Variants in DLG1 observed in about 807,000 individuals in gnomAD.
DLG1 encodes the protein discs large MAGUK scaffold protein 1.
DLG1 carries 42 observed loss-of-function variants against 123.4 expected under a neutral mutation model. The observed-to-expected ratio is 0.34, with a 90% CI of 0.27 to 0.44. DLG1 has a LOEUF of 0.44. DLG1 is among the 20% of genes least tolerant of loss of function. The pLI is 1.00. For missense variants in DLG1, 942 were observed against 1,082.6 expected (o/e 0.87, Z 1.82); for synonymous variants, 317 against 356.2 (o/e 0.89, Z 1.24).
chr3:197,181,400 C>T (rs900702386), intron 5 of DLG1, among the ~76,000 whole-genome samples: 4 of 152,070 alleles, frequency 2.6e-5, no homozygotes, highest in African/African-American at 9.7e-5. Context: ...AACACTATGA[C>T]CTTATTATAT....
intron 7 of DLG1, among the ~76,000 whole-genome samples, chr3:197,142,425 T>C (rs906867903): frequency 4.6e-5 from 7 of 152,084 alleles, no homozygotes; most frequent in Non-Finnish European, 8.8e-5. Flanking sequence ...ACTCTAGTAA[T>C]AGAAGATGTT....
At chr3:197,108,341 T>C (rs1767789862) in intron 13 of DLG1, among the ~76,000 whole-genome samples, 1 of 152,250 alleles carries the variant, frequency 6.6e-6, no homozygotes, top group Admixed American at 6.5e-5. Flanking sequence ...CTCATGCTTA[T>C]TCCTTTTTGG....
intron 4 of DLG1, among the ~76,000 whole-genome samples, chr3:197,258,159 T>C (rs1053372212): frequency 2.0e-5 from 3 of 152,168 alleles, no homozygotes; most frequent in African/African-American, 7.2e-5. Flanking sequence ...AGTATTTTTT[T>C]TAACTCGAAG....
intron 5 of DLG1, among the ~76,000 whole-genome samples, chr3:197,171,505 A>C (rs1804179382): frequency 6.6e-6 from 1 of 152,182 alleles, no homozygotes; most frequent in Admixed American, 6.5e-5. Context: ...AAAATCATTA[A>C]ATTTAAAACA....
chr3:197,228,029 C>CA (rs1740888904), intron 4 of DLG1, among the ~76,000 whole-genome samples: 1 of 152,228 alleles, frequency 6.6e-6, no homozygotes, highest in Non-Finnish European at 1.5e-5. Flanking sequence ...TGCAGTGCCT[C>CA]AGAGGTGTCA....
chr3:197,135,993 G>A (rs1237921119), intron 10 of DLG1, among the ~76,000 whole-genome samples: 2 of 151,780 alleles, frequency 1.3e-5, no homozygotes, highest in African/African-American at 2.4e-5. Flanking sequence ...TGTATTTTTT[G>A]TAGAGACAGG....
rs772746560 is a variant in DLG1, at chr3:197,296,458, G to T, written c.39C>A (p.His13Gln). The change falls in exon 3 of 25, where the codon CAC becomes CAA. Residue 13 changes from histidine (H) to glutamine (Q), a missense_variant. Coordinates refer to ENST00000667157, the MANE Select transcript of DLG1 (RefSeq NM_001366207.1). ...VRKQDTQRALHLLEEYRSKLS... is the reference protein window; with the variant it reads ...VRKQDTQRALQLLEEYRSKLS... Reference sequence around the variant, plus strand: ...GTTTTGAACGATATTCCTCCAAAAGGTGCAATGCTCTCTGGGTATCTGAGA... The same window carrying T: ...GTTTTGAACGATATTCCTCCAAAAGTTGCAATGCTCTCTGGGTATCTGAGA... 1 of 1,613,606 alleles carries T rather than the reference G, an allele frequency of 6.2e-7. No homozygotes were observed. The highest frequency in any genetic ancestry group is 1.1e-5 in the South Asian group (1 of 91,056).
At chr3:197,060,057 AAGGT>A in intron 22 of DLG1, 59 bp from the exon 23 acceptor site, 1 of 1,263,714 alleles carries the variant, frequency 7.9e-7, no homozygotes, top group South Asian at 1.3e-5. Context: ...AATAATATCA[AAGGT>A]ACTTTTCCTA....
chr3:197,051,490 A>G, intron 24 of DLG1, 87 bp downstream of exon 24: 1 of 982,214 alleles, frequency 1.0e-6, no homozygotes, highest in Non-Finnish European at 1.6e-6. Flanking sequence ...ATGTAGGCAT[A>G]GTTCAAAATC....
intron 11 of DLG1, among the ~76,000 whole-genome samples, chr3:197,126,509 T>G (rs1779203759): frequency 6.6e-6 from 1 of 151,778 alleles, no homozygotes; most frequent in African/African-American, 2.4e-5. Context: ...GCACTAATAC[T>G]CAATTCGTGG....
intron 4 of DLG1, among the ~76,000 whole-genome samples, chr3:197,200,428 C>T (rs536979866): frequency 1.3e-5 from 2 of 152,056 alleles, no homozygotes; most frequent in Non-Finnish European, 2.9e-5. Flanking sequence ...AGCAGTGAGG[C>T]TTAATATGAA....
intron 4 of DLG1, among the ~76,000 whole-genome samples, chr3:197,198,517 T>G (rs1223243873): frequency 7.1e-6 from 1 of 140,558 alleles, no homozygotes. Flanking sequence ...AACCAAACAA[T>G]GAGGAGGAAA....
rs143161443 is a variant in DLG1, at chr3:197,210,357, C to T, written c.319-15768G>A. On this transcript the variant is annotated intron_variant, in intron 4 of 24. Transcript: ENST00000667157. ...CAAAGAATTGAGTATATTAACAAAG[C>T]CAAATAATCATAAAAACAGATAAAC... is the stretch of plus-strand genomic sequence containing the variant. Among the ~76,000 whole-genome samples, 38 of 142,860 alleles carry T rather than the reference C, an allele frequency of 2.7e-4. 2 individuals carry two copies. In the East Asian group the frequency reaches 6.9e-3, roughly 26 times the overall value. The allele number at this position is 142,860 out of a possible 152,430, so 93.7% of individuals were successfully genotyped here.
intron 18 of DLG1, among the ~76,000 whole-genome samples, chr3:197,071,561 G>C (rs948217851): frequency 5.9e-5 from 9 of 152,034 alleles, no homozygotes; most frequent in Admixed American, 2.0e-4. Context: ...CCTTAGAATA[G>C]CGTCATCATA....
chr3:197,071,619 T>G (rs1425507421), intron 18 of DLG1, among the ~76,000 whole-genome samples: 1 of 152,350 alleles, frequency 6.6e-6, no homozygotes, highest in East Asian at 1.9e-4. Flanking sequence ...CTTCTGATAA[T>G]TGAAAATGTT....
chr3:197,228,813 TAATA>T (rs909685418), intron 4 of DLG1, among the ~76,000 whole-genome samples: 3 of 152,190 alleles, frequency 2.0e-5, no homozygotes, highest in African/African-American at 7.2e-5. Flanking sequence ...TAAGTAATAA[TAATA>T]AATAATTATT....
rs902052396 is a variant in DLG1, at chr3:197,121,526, C to T, written c.1166-1996G>A. The stretch of plus-strand genomic sequence containing the variant: ...AAATATATACTGTAAAAAACAGGAA[C>T]ATTTTAATGTCGGCAGAGAAACTGT... On this transcript the variant is annotated intron_variant, in intron 11 of 24. Coordinates refer to ENST00000667157, the MANE Select transcript of DLG1 (RefSeq NM_001366207.1). 5.3e-5 allele frequency among the ~76,000 whole-genome samples: 8 copies of T among 152,156 alleles called. 1 individual carries two copies. The highest frequency in any genetic ancestry group is 1.9e-4 in the African/African-American group (8 of 41,538).
chr3:197,044,528 T>G lies in DLG1; in HGVS notation c.*95A>C. ...ATGATGTGTGGGATACAATTCAACA[T>G]GAAATCAGTACTCAAGAAAGACTCC... is the stretch of plus-strand genomic sequence containing the variant. On this transcript the variant is annotated 3_prime_UTR_variant, in exon 25 of 25. Transcript: ENST00000667157. 1 of 732,424 alleles carries G rather than the reference T, an allele frequency of 1.4e-6. No individual in the cohort carries two copies. Among genetic ancestry groups the G allele is most frequent in the South Asian group, 1.9e-5 (1 of 51,626 alleles). The allele number at this position is 732,424 out of a possible 1,614,324, so 45.4% of individuals were successfully genotyped here. A position where few individuals can be genotyped will look rare whatever the true frequency, so the allele number is the denominator to read the frequency against.
chr3:197,276,411 A>T (rs1345123791), intron 4 of DLG1, among the ~76,000 whole-genome samples: 1 of 152,234 alleles, frequency 6.6e-6, no homozygotes, highest in Non-Finnish European at 1.5e-5. Flanking sequence ...CTAACTGTAC[A>T]GGAGCTTCTG....
Sources: allele counts gnomAD v4.1 joint callset (sites outside exome capture counted in the v4.1 genomes callset), GRCh38; gene constraint gnomAD v4.1.1; transcripts MANE v1.5; gene names NCBI Gene and HGNC (gene_info 2026-07-23, HGNC 2026-07-21).